Variants in LANCL3 observed in about 807,000 individuals in gnomAD.
LANCL3 encodes the protein LanC like family member 3.
In LANCL3, 19 loss-of-function variants were observed where a neutral mutation model predicts 26.5. That is an observed-to-expected ratio of 0.72 (90% CI 0.50 to 1.05). The LOEUF (loss-of-function observed/expected upper bound fraction) is 1.05. LANCL3 is among the 50% of genes least tolerant of loss of function. LANCL3 has a pLI of 0.00. For synonymous variants in LANCL3, 160 were observed against 166.6 expected, an observed-to-expected ratio of 0.96 and a Z score of 0.30; for missense variants, 318 against 362.7, an observed-to-expected ratio of 0.88 and a Z score of 1.00.
chrX:37,647,995 C>T (rs1926031677), intron 1 of LANCL3, among the ~76,000 whole-genome samples: 2 of 112,320 alleles, frequency 1.8e-5, no homozygotes, highest in Admixed American at 9.4e-5. Flanking sequence ...GAAGTTTCTG[C>T]ACTAAGCACA....
chrX:37,575,694 G>C (rs782132259), intron 1 of LANCL3, among the ~76,000 whole-genome samples: 2 of 112,297 alleles, frequency 1.8e-5, no homozygotes, highest in South Asian at 7.4e-4. Flanking sequence ...AGATCTTGTA[G>C]AGCTGCAAGT....
chrX:37,608,375 A>T (rs1924773094), intron 1 of LANCL3, among the ~76,000 whole-genome samples: 1 of 111,825 alleles, frequency 8.9e-6, no homozygotes, highest in Non-Finnish European at 1.9e-5. Flanking sequence ...TGGGTCTGGG[A>T]TAGAGCCAGA....
At chrX:37,601,887 C>T (rs782253824) in intron 1 of LANCL3, among the ~76,000 whole-genome samples, 14 of 111,938 alleles carry the variant, frequency 1.3e-4, no homozygotes, top group African/African-American at 4.5e-4. Context: ...ATTTATCTGG[C>T]CTACCTTGAA....
At chrX:37,601,633 T>C (rs148165647) in intron 1 of LANCL3, among the ~76,000 whole-genome samples, 1,644 of 111,575 alleles carry the variant, frequency 0.015, 27 homozygotes, top group African/African-American at 0.05. Context: ...TTCAATGAGT[T>C]GGTGATGTCA....
At chrX:37,579,256 T>G (rs782476223) in intron 1 of LANCL3, among the ~76,000 whole-genome samples, 1 of 111,353 alleles carries the variant, frequency 9.0e-6, no homozygotes, top group African/African-American at 3.3e-5. Flanking sequence ...CCAGTTTTTC[T>G]CCTTTTTTTG....
At position 37,571,766 on chromosome X, in the gene LANCL3, T is replaced by A. The variant is rs1455382138; in HGVS notation, c.-105T>A. ...TCCTTCTCGCTCCTTCCCCGCCGCA[T>A]ACACCGGCATCCGAGTGCCTCAGAG... On this transcript the variant is annotated 5_prime_UTR_variant, in exon 1 of 5. Transcript: ENST00000378619. The A allele has an allele frequency of 1.5e-6, 1 of 646,858 alleles. No individual in the cohort carries two copies. The highest frequency in any genetic ancestry group is 3.0e-5 in the South Asian group (1 of 33,387). The allele number at this position is 646,858 out of a possible 1,213,427, so 53.3% of individuals were successfully genotyped here.
intron 1 of LANCL3, among the ~76,000 whole-genome samples, chrX:37,631,405 C>T (rs2146755427): frequency 9.0e-6 from 1 of 111,494 alleles, no homozygotes; most frequent in South Asian, 3.8e-4. Context: ...AAAACTAGCT[C>T]CTGGATTCAT....
At chrX:37,615,815 G>GA (rs1348520633) in intron 1 of LANCL3, among the ~76,000 whole-genome samples, 1 of 111,410 alleles carries the variant, frequency 9.0e-6, no homozygotes, top group African/African-American at 3.3e-5. Flanking sequence ...CTTTGCTTTT[G>GA]AAAAAATAGC....
At chrX:37,616,751 A>C in intron 1 of LANCL3, among the ~76,000 whole-genome samples, 1 of 111,861 alleles carries the variant, frequency 8.9e-6, no homozygotes, top group East Asian at 2.8e-4. Flanking sequence ...GTATGTGACA[A>C]GGATAATACA....
At chrX:37,625,922 C>T (rs151102742) in intron 1 of LANCL3, among the ~76,000 whole-genome samples, 1,551 of 111,403 alleles carry the variant, frequency 0.014, 24 homozygotes, top group African/African-American at 0.047. Context: ...AGGCTGTATG[C>T]AGGGTTCAAC....
chrX:37,603,888 A>G (rs1371136268), intron 1 of LANCL3, among the ~76,000 whole-genome samples: 1 of 112,464 alleles, frequency 8.9e-6, no homozygotes, highest in African/African-American at 3.2e-5. Context: ...ATATACCTAA[A>G]AAATGGGCAG....
At chrX:37,628,792 G>A (rs1330519641) in intron 1 of LANCL3, among the ~76,000 whole-genome samples, 2 of 109,534 alleles carry the variant, frequency 1.8e-5, no homozygotes, top group Non-Finnish European at 3.8e-5. Flanking sequence ...ATTTTTTATG[G>A]CTGCATAGTA....
In LANCL3 at chrX:37,675,997, C is replaced by G; in HGVS notation, c.*184C>G. The G allele has an allele frequency of 3.2e-6, 1 of 309,236 alleles. No individual in the cohort carries two copies. Among genetic ancestry groups the G allele is most frequent in the Non-Finnish European group, 5.6e-6 (1 of 177,779 alleles). 25.5% of individuals were successfully genotyped at this position (309,236 alleles called of 1,213,427 possible). A position where few individuals can be genotyped will look rare whatever the true frequency, so the allele number is the denominator to read the frequency against. On this transcript the variant is annotated 3_prime_UTR_variant, in exon 5 of 5. Transcript: ENST00000378619. ...AGAAAGGATCTGCAAAATAAAGATA[C>G]CACAATTCATCTTAAAACTGCAGAG...
At chrX:37,583,228 T>A (rs1294872562) in intron 1 of LANCL3, among the ~76,000 whole-genome samples, 20 of 112,057 alleles carry the variant, frequency 1.8e-4, no homozygotes, top group African/African-American at 5.8e-4. Flanking sequence ...AGCCTTGTAG[T>A]ATAGTTTGAA....
chrX:37,592,033 C>G (rs1432116699), intron 1 of LANCL3, among the ~76,000 whole-genome samples: 7 of 111,219 alleles, frequency 6.3e-5, no homozygotes, highest in African/African-American at 1.3e-4. Flanking sequence ...GTCCAGGGCA[C>G]AGTCAGTGGT....
chrX:37,672,204 A>G (rs1355483913), intron 4 of LANCL3, among the ~76,000 whole-genome samples: 10 of 111,955 alleles, frequency 8.9e-5, no homozygotes, highest in Non-Finnish European at 1.7e-4. Flanking sequence ...GCTTTAGGGT[A>G]TCCATCACTC....
chrX:37,624,518 A>ATTACTT (rs1441730437), intron 1 of LANCL3, among the ~76,000 whole-genome samples: 1 of 111,309 alleles, frequency 9.0e-6, no homozygotes, highest in Admixed American at 9.6e-5. Context: ...AACTTTTATG[A>ATTACTT]TTACTTTTTT....
At chrX:37,636,538 G>C (rs1925709907) in intron 1 of LANCL3, among the ~76,000 whole-genome samples, 1 of 112,073 alleles carries the variant, frequency 8.9e-6, no homozygotes, top group South Asian at 3.6e-4. Context: ...TTATATGAAA[G>C]TCAGCTAGAA....
In LANCL3 at chrX:37,682,550, C is replaced by T. The variant is rs1020395525; in HGVS notation, c.*6737C>T. 1 of 111,825 alleles carries T rather than the reference C, an allele frequency of 8.9e-6. No individual in the cohort carries two copies. Among genetic ancestry groups the T allele is most frequent in the East Asian group, 2.8e-4 (1 of 3,597 alleles). The allele number at this position is 111,825 out of a possible 1,213,427, so 9.2% of individuals were successfully genotyped here. A position where few individuals can be genotyped will look rare whatever the true frequency, so the allele number is the denominator to read the frequency against. On this transcript the variant is annotated 3_prime_UTR_variant, in exon 5 of 5. Transcript: ENST00000378619. ...AGTGGGGTCTCTGACGTTGTCCCCA[C>T]AAGTTTCATTTTAAAATCTATGCTT...
Sources: allele counts gnomAD v4.1 joint callset (sites outside exome capture counted in the v4.1 genomes callset), GRCh38; gene constraint gnomAD v4.1.1; transcripts MANE v1.5; gene names NCBI Gene and HGNC (gene_info 2026-07-23, HGNC 2026-07-21).